Variants in UPF3A observed in about 807,000 individuals in gnomAD.
UPF3A encodes the protein regulator of nonsense transcripts 3A.
UPF3A carries 42 observed loss-of-function variants against 53.5 expected under a neutral mutation model. The observed-to-expected ratio is 0.78, with a 90% CI of 0.61 to 1.01. The LOEUF (loss-of-function observed/expected upper bound fraction) is 1.01, where lower values mean the gene tolerates loss of function less well. Among genes scored for constraint, UPF3A ranks in the 50% least tolerant of loss-of-function variants. UPF3A has a pLI of 0.00. For synonymous variants in UPF3A, 237 were observed against 225.3 expected (o/e 1.05, Z -0.47); for missense variants, 575 against 598.0 (o/e 0.96, Z 0.40).
At chr13:114,291,071 G>T (rs896507705) in intron 5 of UPF3A, among the ~76,000 whole-genome samples, 6 of 152,042 alleles carry the variant, frequency 3.9e-5, no homozygotes, top group Admixed American at 3.3e-4. Context: ...ATCCAGAGTT[G>T]TATGTCTTAT....
intron 7 of UPF3A, 108 bp downstream of exon 7, chr13:114,291,900 T>G (rs1258196428): frequency 7.6e-7 from 1 of 1,318,780 alleles, no homozygotes; most frequent in Non-Finnish European, 1.0e-6. Context: ...TGAATTAATC[T>G]AATATTGTGT....
chr13:114,304,809 G>C lies in UPF3A; in HGVS notation c.1323G>C (p.Leu441=). Residue 441 remains leucine (L), a synonymous_variant, in exon 10 of 10, where the codon CTG becomes CTC. Coordinates refer to ENST00000375299, the MANE Select transcript of UPF3A (RefSeq NM_023011.4). ...GGCAGGACCGGCCAGCCTTGCAGCT[G>C]TATGATCCAGGAGCTCGCTTCCGAG... The part of the protein sequence containing the change: ...LANKDRPALQ[L]YDPGARFRAR... 6.2e-7 allele frequency: 1 copy of C among 1,613,800 alleles called. No homozygotes were observed. The highest frequency in any genetic ancestry group is 1.1e-5 in the South Asian group (1 of 91,056).
At chr13:114,291,206 T>A (rs569178378) in intron 5 of UPF3A, among the ~76,000 whole-genome samples, 2 of 152,248 alleles carry the variant, frequency 1.3e-5, no homozygotes, top group Non-Finnish European at 2.9e-5. Flanking sequence ...AATAAATATA[T>A]GTTATTTAAT....
chr13:114,283,924 AG>A, intron 3 of UPF3A: 1 of 985,364 alleles, frequency 1.0e-6, no homozygotes, highest in Non-Finnish European at 1.2e-6. Context: ...TTCTCCAATG[AG>A]GGGTAAGGAC....
intron 9 of UPF3A, among the ~76,000 whole-genome samples, chr13:114,303,405 A>G (rs2086768937): frequency 6.6e-6 from 1 of 152,166 alleles, no homozygotes. Context: ...TGCAGGAGCT[A>G]CTTTCCCGGG....
intron 7 of UPF3A, among the ~76,000 whole-genome samples, chr13:114,297,450 T>C (rs887367754): frequency 2.5e-4 from 38 of 152,222 alleles, no homozygotes; most frequent in Admixed American, 2.0e-3. Flanking sequence ...TTTTTTTCCT[T>C]ATTACAAAAC....
intron 2 of UPF3A, 151 bp from the exon 3 acceptor site, chr13:114,282,686 A>G: frequency 6.8e-7 from 1 of 1,466,982 alleles, no homozygotes. Flanking sequence ...TTTTTGCTAA[A>G]GAATATCCAA....
chr13:114,293,954 T>G (rs541430197), intron 7 of UPF3A, among the ~76,000 whole-genome samples: 25 of 152,188 alleles, frequency 1.6e-4, no homozygotes, highest in Non-Finnish European at 3.4e-4. Flanking sequence ...AGACCCTGTT[T>G]CTGTTTTTTG....
intron 5 of UPF3A, among the ~76,000 whole-genome samples, chr13:114,291,195 A>G (rs1468736707): frequency 6.6e-6 from 1 of 152,236 alleles, no homozygotes; most frequent in Non-Finnish European, 1.5e-5. Context: ...CGATGTATCA[A>G]AATAAATATA....
intron 3 of UPF3A, chr13:114,283,475 C>T (rs1594749677): frequency 1.3e-5 from 2 of 152,202 alleles, no homozygotes; most frequent in East Asian, 3.8e-4. Context: ...ATAGTGACAG[C>T]CTATTTATGT....
Position 114,292,640 on chromosome 13 carries a change from T to C in UPF3A, c.846+848T>C, listed in dbSNP as rs930225037. Reference sequence around the variant, plus strand: ...CGTACACGTGCAGGTGTGTTACGTGTTCATTTTCGGCTCAAGGCGTACACG... The same window carrying C: ...CGTACACGTGCAGGTGTGTTACGTGCTCATTTTCGGCTCAAGGCGTACACG... On this transcript the variant is annotated intron_variant, in intron 7 of 9. Coordinates refer to ENST00000375299, the MANE Select transcript of UPF3A (RefSeq NM_023011.4). 9.4e-5 allele frequency among the ~76,000 whole-genome samples: 14 copies of C among 149,526 alleles called. 1 individual carries two copies. Among genetic ancestry groups the C allele is most frequent in the South Asian group, 4.2e-4 (2 of 4,800 alleles).
chr13:114,304,690 T>C, intron 9 of UPF3A, 99 bp from the exon 10 acceptor site: 2 of 1,488,670 alleles, frequency 1.3e-6, no homozygotes, highest in Non-Finnish European at 1.8e-6. Flanking sequence ...TGATTTTCTT[T>C]GGACAATTCA....
chr13:114,286,149 T>C, intron 3 of UPF3A, 153 bp from the exon 4 acceptor site: 1 of 1,014,314 alleles, frequency 9.9e-7, no homozygotes, highest in Non-Finnish European at 1.4e-6. Context: ...AATCTTTTTT[T>C]TAATCTCTTA....
intron 8 of UPF3A, 145 bp downstream of exon 8, chr13:114,299,145 A>G: frequency 1.3e-6 from 1 of 775,574 alleles, no homozygotes; most frequent in Non-Finnish European, 1.9e-6. Context: ...TTCATTTCCC[A>G]TCAGCATGGC....
intron 5 of UPF3A, among the ~76,000 whole-genome samples, chr13:114,290,773 G>T (rs183935974): frequency 4.1e-4 from 53 of 130,798 alleles, no homozygotes; most frequent in Admixed American, 7.7e-4. Context: ...CGCTGTTGTT[G>T]CCCAGGCTGG....
chr13:114,304,753 C>T (rs1566778861), intron 9 of UPF3A, 36 bp from the exon 10 acceptor site: 3 of 1,609,084 alleles, frequency 1.9e-6, no homozygotes, highest in South Asian at 2.2e-5. Context: ...GTGTTGCTAC[C>T]TCTTGGAAGA....
rs1260047696 is a variant in UPF3A, at chr13:114,286,574, T to C, written c.576T>C (p.Ser192=). The part of the protein sequence containing the change: ...ETYCVEEEKT[S]ANPETLLGEM... ...ACTGTGTGGAGGAAGAGAAGACCAG[T>C]GCCAACCCTGAGACTCTGCTGGGGG... The change falls in exon 5 of 10, where the codon AGT becomes AGC. Residue 192 remains serine (S), a synonymous_variant. Coordinates refer to ENST00000375299, the MANE Select transcript of UPF3A (RefSeq NM_023011.4). 1.4e-5 allele frequency: 22 copies of C among 1,614,122 alleles called. No individual in the cohort carries two copies. Among genetic ancestry groups the C allele is most frequent in the Non-Finnish European group, 1.9e-5 (22 of 1,179,976 alleles).
In UPF3A at chr13:114,281,957, C is replaced by T. The variant is rs536220098; in HGVS notation, c.208-64C>T. 3.7e-3 allele frequency: 5,342 copies of T among 1,443,378 alleles called. 18 individuals carry two copies. The highest frequency in any genetic ancestry group is 4.3e-3 in the Non-Finnish European group (4,624 of 1,072,618). 89.4% of individuals were successfully genotyped at this position (1,443,378 alleles called of 1,614,324 possible). On this transcript the variant is annotated intron_variant, in intron 1 of 9. Coordinates refer to ENST00000375299, the MANE Select transcript of UPF3A (RefSeq NM_023011.4). ...GGGCCGGGCCTCCCAGCGCGGTACG[C>T]GGTGCCTTTTGAGCTCCTTGTCCAC...
chr13:114,294,879 G>A (rs1035916762), intron 7 of UPF3A, among the ~76,000 whole-genome samples: 4 of 150,184 alleles, frequency 2.7e-5, no homozygotes, highest in African/African-American at 4.9e-5. Context: ...TTGGGAGGCC[G>A]AGGTGGGCGG....
Sources: gnomAD v4.1 joint callset for allele counts (sites outside exome capture counted in the v4.1 genomes callset) on GRCh38, gnomAD v4.1.1 for gene constraint, MANE v1.5 for transcripts, NCBI Gene and HGNC (gene_info 2026-07-23, HGNC 2026-07-21) for gene names.